TSPAN3: variants seen among roughly 807,000 people sequenced by gnomAD.
The protein encoded by TSPAN3 is tetraspanin-3.
In TSPAN3, 9 loss-of-function variants were observed where a neutral mutation model predicts 31.1. That is an observed-to-expected ratio of 0.29 (90% CI 0.17 to 0.50). The LOEUF (loss-of-function observed/expected upper bound fraction) is 0.50, where lower values mean the gene tolerates loss of function less well. Ranked by LOEUF, TSPAN3 falls within the 20% of genes least tolerant of loss-of-function variation. TSPAN3 has a pLI of 0.98. For missense variants in TSPAN3, 252 were observed against 313.5 expected, an observed-to-expected ratio of 0.80 and a Z score of 1.48; for synonymous variants, 129 against 114.3, an observed-to-expected ratio of 1.13 and a Z score of -0.82.
At chr15:77,062,839 A>C (rs913242143) in intron 1 of TSPAN3, among the ~76,000 whole-genome samples, 6 of 152,194 alleles carry the variant, frequency 3.9e-5, no homozygotes, top group African/African-American at 1.4e-4. Context: ...TCAGCCCTGA[A>C]ATATTTTCTT....
At chr15:77,059,475 GTGTGA>G (rs968902461) in intron 1 of TSPAN3, among the ~76,000 whole-genome samples, 130 of 152,250 alleles carry the variant, frequency 8.5e-4, no homozygotes, top group African/African-American at 3.0e-3. Flanking sequence ...TTGACTACTT[GTGTGA>G]TATATATTCA....
At chr15:77,058,729 A>C (rs938711144) in intron 1 of TSPAN3, among the ~76,000 whole-genome samples, 1 of 151,842 alleles carries the variant, frequency 6.6e-6, no homozygotes, top group African/African-American at 2.4e-5. Flanking sequence ...CCTTGAAATC[A>C]CCCTCCCAAC....
chr15:77,055,983 A>C, intron 2 of TSPAN3, 81 bp downstream of exon 2: 1 of 1,524,120 alleles, frequency 6.6e-7, no homozygotes, highest in African/African-American at 1.4e-5. Flanking sequence ...CTCTGTTCCA[A>C]CTATAAGAGC....
chr15:77,058,993 C>T (rs1289036621), intron 1 of TSPAN3, among the ~76,000 whole-genome samples: 2 of 152,194 alleles, frequency 1.3e-5, no homozygotes, highest in Non-Finnish European at 2.9e-5. Flanking sequence ...GACATATTTG[C>T]TTTTGGGGCA....
chr15:77,058,730 C>T (rs532046920), intron 1 of TSPAN3, among the ~76,000 whole-genome samples: 1 of 152,314 alleles, frequency 6.6e-6, no homozygotes, highest in African/African-American at 2.4e-5. Flanking sequence ...CTTGAAATCA[C>T]CCTCCCAACT....
Position 77,056,272 on chromosome 15 carries a change from C to A in TSPAN3, c.64-17G>T. The A allele has an allele frequency of 6.4e-7, 1 of 1,566,562 alleles. No homozygotes were observed. Among genetic ancestry groups the A allele is most frequent in the South Asian group, 1.2e-5 (1 of 83,140 alleles). Reference sequence around the variant, plus strand: ...AGCTGCCCCCTGTAGAAAACAAAGTCAGTACTGGTCTCTAAGCACTGCTGG... The same window carrying A: ...AGCTGCCCCCTGTAGAAAACAAAGTAAGTACTGGTCTCTAAGCACTGCTGG... On this transcript the variant is annotated splice_polypyrimidine_tract_variant and intron_variant, in intron 1 of 6. Transcript: ENST00000267970.
At position 77,043,160 on chromosome 15, in the gene TSPAN3, A is replaced by T. The variant is rs2076669262; in HGVS notation, c.*3675T>A. 1 of 152,006 alleles carries T rather than the reference A, an allele frequency of 6.6e-6. No homozygotes were observed. Among genetic ancestry groups the T allele is most frequent in the Admixed American group, 6.6e-5 (1 of 15,224 alleles). The allele number at this position is 152,006 out of a possible 1,614,324, so 9.4% of individuals were successfully genotyped here. ...GGCACCTCCAGTAAGTTGATTCTCCAGCATGGGACAGGCAGCATATCCCAG... is the reference window on the plus strand; with the variant it reads ...GGCACCTCCAGTAAGTTGATTCTCCTGCATGGGACAGGCAGCATATCCCAG... On this transcript the variant is annotated 3_prime_UTR_variant, in exon 7 of 7. Transcript: ENST00000267970.
At chr15:77,068,373 A>G (rs2076846421) in intron 1 of TSPAN3, 1 of 152,242 alleles carries the variant, frequency 6.6e-6, no homozygotes, top group African/African-American at 2.4e-5. Flanking sequence ...CTGGAATAAC[A>G]GTACATATAT....
chr15:77,070,158 G>T (rs2076858122), intron 1 of TSPAN3: 1 of 152,176 alleles, frequency 6.6e-6, no homozygotes, highest in African/African-American at 2.4e-5. Context: ...TCCTTTCAAA[G>T]AGGGTGTACC....
intron 3 of TSPAN3, 125 bp downstream of exon 3, chr15:77,055,664 A>T: frequency 1.4e-6 from 1 of 729,538 alleles, no homozygotes; most frequent in Non-Finnish European, 2.2e-6. Context: ...TAGATATTTG[A>T]AATACAGATT....
chr15:77,069,907 T>G (rs2076856557), intron 1 of TSPAN3: 1 of 152,272 alleles, frequency 6.6e-6, no homozygotes. Context: ...CAAGGTGATT[T>G]GGGACCAGAC....
At chr15:77,058,573 G>C (rs1199608120) in intron 1 of TSPAN3, among the ~76,000 whole-genome samples, 1 of 152,194 alleles carries the variant, frequency 6.6e-6, no homozygotes, top group Non-Finnish European at 1.5e-5. Context: ...CGAAACGGTT[G>C]CAATTATAGC....
In TSPAN3 at chr15:77,071,102, C is replaced by A. The variant is rs1174407596; in HGVS notation, c.-148G>T. The stretch of plus-strand genomic sequence containing the variant: ...CTGCGCCGTCGCGCAGCCCCGACCC[C>A]AGCAAGTGCCTCGCTCCTCCGCGCA... On this transcript the variant is annotated 5_prime_UTR_variant, in exon 1 of 7. Coordinates refer to ENST00000267970, the MANE Select transcript of TSPAN3 (RefSeq NM_005724.6). 2 of 433,234 alleles carry A rather than the reference C, an allele frequency of 4.6e-6. No homozygotes were observed. Among genetic ancestry groups the A allele is most frequent in the Non-Finnish European group, 7.3e-6 (2 of 272,728 alleles). The allele number at this position is 433,234 out of a possible 1,614,324, so 26.8% of individuals were successfully genotyped here.
chr15:77,056,251 G>GC lies in TSPAN3; in HGVS notation c.67dup (p.Ala23GlyfsTer17). ...TCCCACATAGCATAAAATGCCAGCT[G>GC]CCCCCTGTAGAAAACAAAGTCAGTA... On this transcript the variant is annotated frameshift_variant, in exon 2 of 7. Coordinates refer to ENST00000267970, the MANE Select transcript of TSPAN3 (RefSeq NM_005724.6). LOFTEE classifies it high-confidence loss of function. 1 of 1,592,300 alleles carries GC rather than the reference G, an allele frequency of 6.3e-7. No individual in the cohort carries two copies. Among genetic ancestry groups the GC allele is most frequent in the Non-Finnish European group, 8.5e-7 (1 of 1,172,772 alleles).
At chr15:77,067,981 AT>A (rs1221112595) in intron 1 of TSPAN3, 2 of 152,172 alleles carry the variant, frequency 1.3e-5, no homozygotes, top group Non-Finnish European at 2.9e-5. Context: ...GTCAACCTTA[AT>A]GTTCTCCTCT....
At chr15:77,055,910 T>C (rs760574109) in intron 2 of TSPAN3, 47 bp from the exon 3 acceptor site, 1 of 1,563,532 alleles carries the variant, frequency 6.4e-7, no homozygotes, top group African/African-American at 1.4e-5. Context: ...AAAAAATAAC[T>C]TTAAATACAC....
intron 1 of TSPAN3, among the ~76,000 whole-genome samples, chr15:77,068,509 T>G (rs1431290168): frequency 1.3e-5 from 2 of 152,242 alleles, no homozygotes; most frequent in Admixed American, 6.5e-5. Context: ...TTCCAGTCCC[T>G]GAGCTTGAAT....
At chr15:77,064,500 G>C (rs1298877776) in intron 1 of TSPAN3, 1 of 152,052 alleles carries the variant, frequency 6.6e-6, no homozygotes, top group East Asian at 1.9e-4. Context: ...TTATTTCAAA[G>C]CATGATAAAT....
At chr15:77,065,852 T>C (rs1053954820) in intron 1 of TSPAN3, among the ~76,000 whole-genome samples, 1 of 152,238 alleles carries the variant, frequency 6.6e-6, no homozygotes, top group Non-Finnish European at 1.5e-5. Context: ...AGGCATTTAT[T>C]TAAAAGGCGT....
Sources: allele counts gnomAD v4.1 joint callset (sites outside exome capture counted in the v4.1 genomes callset), GRCh38; gene constraint gnomAD v4.1.1; transcripts MANE v1.5; gene names NCBI Gene and HGNC (gene_info 2026-07-23, HGNC 2026-07-21).